Variants in ANKRD28 observed in about 807,000 individuals in gnomAD.
ANKRD28 encodes the protein ankyrin repeat domain 28, also known as serine/threonine-protein phosphatase 6 regulatory ankyrin repeat subunit A.
Under a neutral mutation model 126.5 loss-of-function variants are expected in ANKRD28, and 44 were observed. That is an observed-to-expected ratio of 0.35 (90% CI 0.27 to 0.45). The LOEUF is 0.45. Among genes scored for constraint, ANKRD28 ranks in the 20% least tolerant of loss-of-function variants. The pLI is 1.00. For missense variants in ANKRD28, 1,110 were observed against 1,316.6 expected (o/e 0.84, Z 2.43); for synonymous variants, 442 against 468.5 (o/e 0.94, Z 0.73).
intron 2 of ANKRD28, among the ~76,000 whole-genome samples, chr3:15,772,779 C>T (rs553732834): frequency 2.0e-5 from 3 of 152,220 alleles, no homozygotes; most frequent in South Asian, 4.2e-4. Context: ...CTCCACCTCC[C>T]GGGTTCAAGC....
intron 10 of ANKRD28, among the ~76,000 whole-genome samples, 182 bp from the exon 11 acceptor site, chr3:15,712,404 C>G (rs940759399): frequency 1.3e-5 from 2 of 152,144 alleles, no homozygotes; most frequent in African/African-American, 4.8e-5. Context: ...CTATTTTTCT[C>G]CAAAAGTCAG....
chr3:15,795,276 C>A lies in ANKRD28; in HGVS notation c.148G>T (p.Asp50Tyr), dbSNP rs1403397959. Reference sequence around the variant, plus strand: ...ATTAGTGCTCGAACTTCATCAGGATCTCCGTTAAATATAGCTTGCACCAGT... The same window carrying A: ...ATTAGTGCTCGAACTTCATCAGGATATCCGTTAAATATAGCTTGCACCAGT... ...PSLVQAIFNG[D>Y]PDEVRALIFK... Residue 50 changes from aspartate to tyrosine, a missense_variant, in exon 2 of 28, where the codon GAT (aspartate) becomes TAT (tyrosine). Physicochemically the swap from Asp to Tyr is radical, Grantham distance 160 (BLOSUM62 -3). Transcript: ENST00000683139. 6.2e-7 allele frequency: 1 copy of A among 1,612,638 alleles called. No homozygotes were observed. The highest frequency in any genetic ancestry group is 1.1e-5 in the South Asian group (1 of 91,036).
At chr3:15,828,143 G>C (rs923757283) in intron 1 of ANKRD28, among the ~76,000 whole-genome samples, 17 of 152,094 alleles carry the variant, frequency 1.1e-4, no homozygotes, top group Non-Finnish European at 1.9e-4. Flanking sequence ...ATTAAATTTT[G>C]ACTTCATATG....
chr3:15,796,996 T>C lies in ANKRD28; in HGVS notation c.-475A>G, dbSNP rs1163133427. 4.1e-6 allele frequency: 4 copies of C among 985,232 alleles called. No homozygotes were observed. Among genetic ancestry groups the C allele is most frequent in the South Asian group, 4.7e-5 (1 of 21,300 alleles). The allele number at this position is 985,232 out of a possible 1,614,324, so 61.0% of individuals were successfully genotyped here. ...ACCCACTCTTGCCTGCAAGGTCATA[T>C]AGTTACCAGTAGCTGTTTTGCTTAT... On this transcript the variant is annotated 5_prime_UTR_variant, in exon 1 of 28. Coordinates refer to ENST00000683139, the MANE Select transcript of ANKRD28 (RefSeq NM_001349278.2).
chr3:15,801,789 T>G (rs892066310), upstream of ANKRD28, among the ~76,000 whole-genome samples: 1 of 152,120 alleles, frequency 6.6e-6, no homozygotes, highest in African/African-American at 2.4e-5. This position sits in a 1 kb window ranked among gnomAD's most constrained non-coding sequence, Gnocchi z 4.9. Flanking sequence ...CAACTCAAAA[T>G]CCTCATAATA....
chr3:15,852,092 T>C (rs2125997112), intron 1 of ANKRD28, among the ~76,000 whole-genome samples: 1 of 152,274 alleles, frequency 6.6e-6, no homozygotes, highest in African/African-American at 2.4e-5. Context: ...GGGTAAAAGG[T>C]TTTTGTCATA....
chr3:15,737,278 T>C, intron 4 of ANKRD28, 45 bp from the exon 5 acceptor site: 1 of 1,524,148 alleles, frequency 6.6e-7, no homozygotes, highest in South Asian at 1.2e-5. Flanking sequence ...GTTAAGAGTT[T>C]GAGAAATTAT....
chr3:15,717,265 A>C (rs1197902757), intron 8 of ANKRD28, among the ~76,000 whole-genome samples: 1 of 152,110 alleles, frequency 6.6e-6, no homozygotes, highest in Non-Finnish European at 1.5e-5. Flanking sequence ...AGGCACACAC[A>C]ACTGGGCCTG....
Position 15,676,840 on chromosome 3 carries a change from A to G in ANKRD28, c.2873+134T>C, listed in dbSNP as rs1167923748. ...GTGATCATTTTAGAAATGAGTTTTG[A>G]CAGTTGTAAAACTATTAAAATTGCT... is the stretch of plus-strand genomic sequence containing the variant. On this transcript the variant is annotated intron_variant, in intron 26 of 27. Transcript: ENST00000683139. The G allele has an allele frequency of 5.0e-6, 3 of 598,794 alleles. No individual in the cohort carries two copies. In the East Asian group the frequency reaches 9.2e-5, roughly 18 times the overall value. 37.1% of individuals were successfully genotyped at this position (598,794 alleles called of 1,614,324 possible).
At chr3:15,850,203 AAATAT>A (rs1231987834) in intron 1 of ANKRD28, among the ~76,000 whole-genome samples, 1 of 48,196 alleles carries the variant, frequency 2.1e-5, no homozygotes, top group Non-Finnish European at 4.0e-5. Flanking sequence ...AAAAAAAAAA[AAATAT>A]ATATATATAT....
chr3:15,791,336 G>A (rs909173427), intron 2 of ANKRD28, among the ~76,000 whole-genome samples: 5 of 151,496 alleles, frequency 3.3e-5, no homozygotes, highest in African/African-American at 1.2e-4. Flanking sequence ...AACAAAACTG[G>A]TGGAATCCCA....
At chr3:15,832,039 T>G (rs143516490) in intron 1 of ANKRD28, among the ~76,000 whole-genome samples, 450 of 152,290 alleles carry the variant, frequency 3.0e-3, no homozygotes, top group African/African-American at 0.01. Flanking sequence ...AGCAATTGAG[T>G]GTCCACTATA....
chr3:15,735,585 T>C, intron 5 of ANKRD28, 88 bp from the exon 6 acceptor site: 3 of 989,060 alleles, frequency 3.0e-6, no homozygotes, highest in Non-Finnish European at 4.5e-6. Flanking sequence ...TATCTCAACT[T>C]CTCTGGCACT....
chr3:15,799,382 C>A (rs1407617225), upstream of ANKRD28, among the ~76,000 whole-genome samples: 1 of 151,318 alleles, frequency 6.6e-6, no homozygotes, highest in Admixed American at 6.6e-5. Flanking sequence ...AAACAAGAAC[C>A]ATTGAAAGCT....
chr3:15,707,868 GA>G, intron 14 of ANKRD28, 55 bp downstream of exon 14: 1 of 1,567,284 alleles, frequency 6.4e-7, no homozygotes, highest in African/African-American at 1.3e-5. Context: ...CATCCATATG[GA>G]AGATGCCAGT....
intron 1 of ANKRD28, among the ~76,000 whole-genome samples, chr3:15,818,315 C>T (rs9865689): frequency 0.73 from 110,370 of 152,080 alleles, 40,282 homozygotes; most frequent in East Asian, 0.93. Context: ...GCTCATATGA[C>T]GCCACAAGTG....
At chr3:15,696,079 C>A in intron 15 of ANKRD28, 55 bp downstream of exon 15, 1 of 1,189,242 alleles carries the variant, frequency 8.4e-7, no homozygotes, top group South Asian at 1.4e-5. Flanking sequence ...ATTTTTGTTA[C>A]ATTATTAGAC....
At chr3:15,857,041 T>C (rs1018455056) in intron 1 of ANKRD28, among the ~76,000 whole-genome samples, 1 of 152,238 alleles carries the variant, frequency 6.6e-6, no homozygotes. Flanking sequence ...CTAGCTGACC[T>C]GCTTTTCCTG....
At chr3:15,716,873 G>A (rs1237945586) in intron 8 of ANKRD28, among the ~76,000 whole-genome samples, 1 of 152,138 alleles carries the variant, frequency 6.6e-6, no homozygotes, top group Non-Finnish European at 1.5e-5. Flanking sequence ...AAAGCGGAAG[G>A]ACTGCTTGAA....
Sources: gnomAD v4.1 joint callset for allele counts (sites outside exome capture counted in the v4.1 genomes callset) on GRCh38, gnomAD v4.1.1 for gene constraint, Gnocchi (gnomAD v3.1) non-coding constraint, MANE v1.5 for transcripts, NCBI Gene and HGNC (gene_info 2026-07-23, HGNC 2026-07-21) for gene names.